Variants in WARS2 observed in about 807,000 individuals in gnomAD.
WARS2 encodes tryptophanyl tRNA synthetase 2, mitochondrial, also known as tryptophan--tRNA ligase, mitochondrial.
WARS2 carries 28 observed loss-of-function variants against 36.5 expected under a neutral mutation model. The ratio of observed to expected loss-of-function variants is 0.77; its 90% CI spans 0.57 to 1.05. The LOEUF is 1.05. WARS2 is among the 50% of genes least tolerant of loss of function. The probability of loss-of-function intolerance (pLI) is 0.00; values close to 1 mark genes in which losing one functional copy is unlikely to be tolerated. For synonymous variants in WARS2, 174 were observed against 178.4 expected, an observed-to-expected ratio of 0.98 and a Z score of 0.20; for missense variants, 435 against 456.8, an observed-to-expected ratio of 0.95 and a Z score of 0.44.
intron 1 of WARS2, among the ~76,000 whole-genome samples, chr1:119,101,404 T>A (rs998845229): frequency 6.6e-6 from 1 of 152,176 alleles, no homozygotes; most frequent in Non-Finnish European, 1.5e-5. Flanking sequence ...CAAGTCACAT[T>A]TTACTAACAT....
At chr1:119,101,185 G>A (rs1653833855) in intron 1 of WARS2, among the ~76,000 whole-genome samples, 1 of 151,972 alleles carries the variant, frequency 6.6e-6, no homozygotes, top group South Asian at 2.1e-4. Flanking sequence ...AAAATGTATT[G>A]TACTTGGATG....
intron 4 of WARS2, among the ~76,000 whole-genome samples, chr1:119,037,824 G>C (rs895754684): frequency 4.6e-5 from 7 of 152,134 alleles, no homozygotes; most frequent in Non-Finnish European, 1.0e-4. Flanking sequence ...AGTCCTATCA[G>C]TTTTACTTCC....
chr1:119,132,679 C>A (rs1375891851), intron 1 of WARS2, among the ~76,000 whole-genome samples: 1 of 152,134 alleles, frequency 6.6e-6, no homozygotes, highest in Non-Finnish European at 1.5e-5. Flanking sequence ...TAAAGTTGAA[C>A]ACTCCATGCA....
intron 1 of WARS2, among the ~76,000 whole-genome samples, chr1:119,089,163 T>C (rs1347815188): frequency 6.6e-6 from 1 of 152,222 alleles, no homozygotes; most frequent in Non-Finnish European, 1.5e-5. Context: ...ATTTCTAAAG[T>C]TAGTTTCCTG....
At chr1:119,041,156 C>T (rs1323957682) in intron 4 of WARS2, among the ~76,000 whole-genome samples, 1 of 152,192 alleles carries the variant, frequency 6.6e-6, no homozygotes, top group Non-Finnish European at 1.5e-5. Flanking sequence ...CTGTCATCTT[C>T]ATGCTATTAT....
chr1:119,111,643 T>C (rs1002077869), intron 1 of WARS2, among the ~76,000 whole-genome samples: 1 of 152,152 alleles, frequency 6.6e-6, no homozygotes, highest in Non-Finnish European at 1.5e-5. Flanking sequence ...GAAGGAAAAT[T>C]CACAAAAATG....
At chr1:119,045,766 A>G (rs2101130866) in intron 2 of WARS2, 104 bp from the exon 3 acceptor site, 1 of 893,068 alleles carries the variant, frequency 1.1e-6, no homozygotes, top group Admixed American at 2.1e-5. Flanking sequence ...AATACCCCAA[A>G]TTAAGGTTAT....
chr1:119,103,522 C>G (rs1402762819), intron 1 of WARS2, among the ~76,000 whole-genome samples: 1 of 151,920 alleles, frequency 6.6e-6, no homozygotes. Flanking sequence ...CCTTTAGAAG[C>G]TCTGGAAAAG....
At chr1:119,105,810 C>T (rs766636995) in intron 1 of WARS2, among the ~76,000 whole-genome samples, 17 of 152,074 alleles carry the variant, frequency 1.1e-4, no homozygotes, top group African/African-American at 4.1e-4. Context: ...ACTAGGAAGG[C>T]TGAGGCAGAG....
intron 1 of WARS2, chr1:119,126,882 C>T (rs771284274): frequency 4.1e-5 from 33 of 811,980 alleles, no homozygotes; most frequent in Middle Eastern, 4.8e-4. Context: ...AGAGGTCTTC[C>T]GTACCTGATT....
intron 4 of WARS2, among the ~76,000 whole-genome samples, chr1:119,035,336 T>C (rs1441253838): frequency 6.6e-6 from 1 of 152,158 alleles, no homozygotes; most frequent in Non-Finnish European, 1.5e-5. Flanking sequence ...ATATTGCTCC[T>C]GTGAAAAAAG....
intron 1 of WARS2, among the ~76,000 whole-genome samples, chr1:119,088,703 C>T (rs1652843088): frequency 6.6e-6 from 1 of 152,112 alleles, no homozygotes. Flanking sequence ...ATGCTATCTT[C>T]GATGGCTAGG....
At chr1:119,054,634 A>G (rs1450949044) in intron 2 of WARS2, among the ~76,000 whole-genome samples, 2 of 152,254 alleles carry the variant, frequency 1.3e-5, no homozygotes, top group East Asian at 3.8e-4. Flanking sequence ...ACAATAGCTG[A>G]AAGATGGAAG....
Position 119,045,673 on chromosome 1 carries a change from A to G in WARS2, c.349-11T>C, listed in dbSNP as rs1002787579. 1.3e-6 allele frequency: 2 copies of G among 1,573,832 alleles called. No individual in the cohort carries two copies. Among genetic ancestry groups the G allele is most frequent in the African/African-American group, 2.7e-5 (2 of 74,036 alleles). ...TGTGTGTTCAGACACCTAAAGAAAT[A>G]AAATAGAACATTAGTAAAGGTGGCC... On this transcript the variant is annotated splice_polypyrimidine_tract_variant and intron_variant, in intron 2 of 5. Transcript: ENST00000235521.
Position 119,034,139 on chromosome 1 carries a change from TTGAAACCTTG to T in WARS2, c.580_589del (p.Gln194ThrfsTer18). The T allele has an allele frequency of 6.2e-7, 1 of 1,614,084 alleles. No homozygotes were observed. ...TGGAAAGAACTCCCCATACTTCTTGTTGAAACCTTGTGCTAGATCCTGAACTAGTTCCATG... is the reference window on the plus strand; with the variant it reads ...TGGAAAGAACTCCCCATACTTCTTGTTGCTAGATCCTGAACTAGTTCCATG... On this transcript the variant is annotated frameshift_variant, in exon 5 of 6. Transcript: ENST00000235521. LOFTEE classifies it high-confidence loss of function.
intron 1 of WARS2, among the ~76,000 whole-genome samples, chr1:119,133,879 C>T (rs961405755): frequency 5.3e-5 from 8 of 151,858 alleles, no homozygotes; most frequent in East Asian, 1.9e-4. Flanking sequence ...GTTTAATCAA[C>T]GAGTAAAAAT....
intron 1 of WARS2, chr1:119,086,031 T>C: frequency 6.7e-7 from 1 of 1,482,010 alleles, no homozygotes; most frequent in Non-Finnish European, 9.2e-7. Context: ...GCTAATTTTT[T>C]AAATTTCTCG....
At chr1:119,077,500 G>A (rs988936042) in intron 1 of WARS2, among the ~76,000 whole-genome samples, 2 of 152,076 alleles carry the variant, frequency 1.3e-5, no homozygotes, top group Non-Finnish European at 2.9e-5. Context: ...ATAATTTGGT[G>A]TATGAGATCT....
At chr1:119,112,412 GA>G (rs1654705566) in intron 1 of WARS2, among the ~76,000 whole-genome samples, 1 of 152,264 alleles carries the variant, frequency 6.6e-6, no homozygotes, top group Admixed American at 6.5e-5. Context: ...TATGGTGATG[GA>G]AATTACCCAG....
Sources: gnomAD v4.1 joint callset for allele counts (sites outside exome capture counted in the v4.1 genomes callset) on GRCh38, gnomAD v4.1.1 for gene constraint, MANE v1.5 for transcripts, NCBI Gene and HGNC (gene_info 2026-07-23, HGNC 2026-07-21) for gene names.